The following POLR3B variants were observed in gnomAD, a reference collection of about 807,000 sequenced individuals.
POLR3B encodes RNA polymerase III subunit B.
A neutral mutation model predicts 147.4 loss-of-function variants in POLR3B; 96 were observed. The ratio of observed to expected loss-of-function variants is 0.65; its 90% CI spans 0.55 to 0.77. POLR3B has a LOEUF of 0.77. Ranked by LOEUF, POLR3B falls within the 30% of genes least tolerant of loss-of-function variation. The probability of loss-of-function intolerance (pLI) is 0.00; values close to 1 mark genes in which losing one functional copy is unlikely to be tolerated. For synonymous variants in POLR3B, 461 were observed against 485.9 expected, an observed-to-expected ratio of 0.95 and a Z score of 0.67; for missense variants, 1,036 against 1,413.5, an observed-to-expected ratio of 0.73 and a Z score of 4.28.
At chr12:106,418,857 G>C (rs1321318998) in intron 12 of POLR3B, among the ~76,000 whole-genome samples, 2 of 152,150 alleles carry the variant, frequency 1.3e-5, no homozygotes, top group African/African-American at 4.8e-5. Context: ...TTTAGGAGTA[G>C]GAAAATTTAA....
In POLR3B at chr12:106,366,691, A is replaced by T; in HGVS notation, c.196A>T (p.Thr66Ser). ...GATAATGAAAGCCAATGAAAAGGTT[A>T]CAAGTGACGCTGACCCTATGTGGTA... ...KKIMKANEKVTSDADPMWYLK... is the reference protein window; with the variant it reads ...KKIMKANEKVSSDADPMWYLK... The change falls in exon 4 of 28, where the codon ACA becomes TCA. Residue 66 changes from threonine to serine, a missense_variant. Around this residue, in one of 12 missense-constraint regions of POLR3B, gnomAD observed 150 missense variants for 145.5 expected, o/e 1.03. Transcript: ENST00000228347. 6.2e-7 allele frequency: 1 copy of T among 1,613,866 alleles called. No individual in the cohort carries two copies. Among genetic ancestry groups the T allele is most frequent in the Non-Finnish European group, 8.5e-7 (1 of 1,179,736 alleles).
rs756931770 is a variant in POLR3B, at chr12:106,501,336, G to A, written c.2998G>A (p.Ala1000Thr). 3 of 1,606,606 alleles carry A rather than the reference G, an allele frequency of 1.9e-6. No individual in the cohort carries two copies. The highest frequency in any genetic ancestry group is 2.6e-6 in the Non-Finnish European group (3 of 1,173,150). The change falls in exon 26 of 28, where the codon GCA becomes ACA. Residue 1000 changes from alanine (A) to threonine (T), a missense_variant. This residue lies in a region of POLR3B where 88 missense variants were observed against 87.5 expected (regional missense o/e 1.01). Coordinates refer to ENST00000228347, the MANE Select transcript of POLR3B (RefSeq NM_018082.6). ...TSGITGEPLEAYIYFGPVYYQ... is the reference protein window; with the variant it reads ...TSGITGEPLETYIYFGPVYYQ... ...TCTTTCTTTCAGTGAGCCCTTAGAA[G>A]CATACATCTATTTTGGCCCCGTGTA...
chr12:106,467,052 A>G (rs2038016101), intron 23 of POLR3B, among the ~76,000 whole-genome samples: 1 of 152,024 alleles, frequency 6.6e-6, no homozygotes, highest in Admixed American at 6.6e-5. Context: ...CAGTAAGACC[A>G]TTTTCCTGAT....
At chr12:106,506,192 C>T (rs1035706199) in intron 27 of POLR3B, among the ~76,000 whole-genome samples, 3 of 151,452 alleles carry the variant, frequency 2.0e-5, no homozygotes, top group Non-Finnish European at 4.4e-5. Context: ...GGCTGTGCAA[C>T]CAAAAAGAAA....
At chr12:106,427,119 C>A (rs895371303) in intron 12 of POLR3B, 78 bp from the exon 13 acceptor site, 1 of 980,130 alleles carries the variant, frequency 1.0e-6, no homozygotes, top group African/African-American at 1.7e-5. Flanking sequence ...TTTTAAAAAT[C>A]TTAAGACCTA....
intron 10 of POLR3B, among the ~76,000 whole-genome samples, chr12:106,395,055 C>T (rs1404397678): frequency 6.6e-6 from 1 of 152,086 alleles, no homozygotes; most frequent in Non-Finnish European, 1.5e-5. Flanking sequence ...CATGATAAGA[C>T]CCCATCTCTA....
At chr12:106,455,469 C>T (rs755621259) in intron 20 of POLR3B, among the ~76,000 whole-genome samples, 2 of 152,136 alleles carry the variant, frequency 1.3e-5, no homozygotes, top group South Asian at 2.1e-4. Context: ...TGACAACAGC[C>T]ATGCTTTAAA....
intron 16 of POLR3B, among the ~76,000 whole-genome samples, chr12:106,435,489 A>G (rs746613273): frequency 5.9e-5 from 9 of 151,646 alleles, no homozygotes; most frequent in Admixed American, 3.9e-4. Context: ...TTTTGCTTAA[A>G]TTAGCCAGAA....
chr12:106,450,048 G>C (rs2037776293), intron 19 of POLR3B, among the ~76,000 whole-genome samples: 1 of 152,130 alleles, frequency 6.6e-6, no homozygotes, highest in South Asian at 2.1e-4. Context: ...TAGACATATA[G>C]GTCAATGGAA....
At chr12:106,379,228 C>G (rs191540366) in intron 8 of POLR3B, among the ~76,000 whole-genome samples, 2 of 152,164 alleles carry the variant, frequency 1.3e-5, no homozygotes, top group Non-Finnish European at 2.9e-5. Context: ...GGTAGATAGC[C>G]TTTGAACCCA....
Position 106,504,278 on chromosome 12 carries a change from C to T in POLR3B, c.3272+24C>T. The T allele has an allele frequency of 1.3e-6, 2 of 1,581,776 alleles. No individual in the cohort carries two copies. The highest frequency in any genetic ancestry group is 2.2e-5 in the South Asian group (2 of 90,456). On this transcript the variant is annotated intron_variant, in intron 27 of 27. Coordinates refer to ENST00000228347, the MANE Select transcript of POLR3B (RefSeq NM_018082.6). This position sits in a 1 kb window ranked among gnomAD's most constrained non-coding sequence, Gnocchi z 4.6. ...TGGTAAGTGGATACCATATGTCTCCCATACCACACCCCTTGCCTCTTAAAT... is the reference window on the plus strand; with the variant it reads ...TGGTAAGTGGATACCATATGTCTCCTATACCACACCCCTTGCCTCTTAAAT...
chr12:106,378,672 A>G (rs904979338), intron 8 of POLR3B, among the ~76,000 whole-genome samples: 1 of 151,188 alleles, frequency 6.6e-6, no homozygotes, highest in African/African-American at 2.4e-5. Context: ...AAATAAAACC[A>G]CTCTTCAGTT....
Position 106,509,656 on chromosome 12 carries a change from TTCTC to T in POLR3B, c.*113_*116del. 3 of 1,060,144 alleles carry T rather than the reference TTCTC, an allele frequency of 2.8e-6. No homozygotes were observed. The highest frequency in any genetic ancestry group is 1.3e-5 in the South Asian group (1 of 75,410). The allele number at this position is 1,060,144 out of a possible 1,614,324, so 65.7% of individuals were successfully genotyped here. Reference sequence around the variant, plus strand: ...CTCCTGTGAAGAATTCCCTTGCGTATTCTCTCTCTAAAACAACCAAAAAAAAATG... The same window carrying T: ...CTCCTGTGAAGAATTCCCTTGCGTATTCTCTAAAACAACCAAAAAAAAATG... On this transcript the variant is annotated 3_prime_UTR_variant, in exon 28 of 28. Transcript: ENST00000228347.
At chr12:106,358,301 G>T in intron 1 of POLR3B, 1 of 1,209,760 alleles carries the variant, frequency 8.3e-7, no homozygotes, top group Non-Finnish European at 1.1e-6. Context: ...AGGACACGGG[G>T]CCAGGGAGCT....
chr12:106,393,074 G>T lies in POLR3B; in HGVS notation c.767G>T (p.Gly256Val). ...ESDQEIVQMIGTEEHVMAAFG... is the reference protein window; with the variant it reads ...ESDQEIVQMIVTEEHVMAAFG... The stretch of plus-strand genomic sequence containing the variant: ...GACCAGGAAATTGTGCAGATGATTG[G>T]AACAGAGGAGCACGTGATGGCTGCA... The change falls in exon 10 of 28, where the codon GGA becomes GTA. Residue 256 changes from glycine (G) to valine (V), a missense_variant. Around this residue, in one of 12 missense-constraint regions of POLR3B, gnomAD observed 217 missense variants for 288.7 expected, o/e 0.75. Coordinates refer to ENST00000228347, the MANE Select transcript of POLR3B (RefSeq NM_018082.6). 1.9e-6 allele frequency: 3 copies of T among 1,614,186 alleles called. No individual in the cohort carries two copies. The highest frequency in any genetic ancestry group is 2.5e-6 in the Non-Finnish European group (3 of 1,180,026).
At chr12:106,482,710 T>C (rs2038285866) in intron 23 of POLR3B, among the ~76,000 whole-genome samples, 1 of 152,146 alleles carries the variant, frequency 6.6e-6, no homozygotes, top group Admixed American at 6.5e-5. Flanking sequence ...ATATTTTAGG[T>C]TCGTTGAGAT....
At position 106,450,120 on chromosome 12, in the gene POLR3B, T is replaced by C. The variant is rs149804513; in HGVS notation, c.2084-4382T>C. ...ATGGGCAATTGATTTTCAATGAATG[T>C]GTCAAAGCAATCCAGTGGAGAGTAA... On this transcript the variant is annotated intron_variant, in intron 19 of 27. Coordinates refer to ENST00000228347, the MANE Select transcript of POLR3B (RefSeq NM_018082.6). Among the ~76,000 whole-genome samples the C allele has an allele frequency of 4.2e-3, 643 of 152,302 alleles. 7 individuals carry two copies. The highest frequency in any genetic ancestry group is 0.015 in the African/African-American group (605 of 41,562).
rs2038495561 is a variant in POLR3B, at chr12:106,496,847, T to C, written c.2913T>C (p.Asp971=). Residue 971 remains aspartate, a synonymous_variant, in exon 25 of 28, where the codon GAT becomes GAC. Coordinates refer to ENST00000228347, the MANE Select transcript of POLR3B (RefSeq NM_018082.6). ...CGTTTGGAGGCAGTAAAGTGAAGGA[T>C]GTGTGTGAGGACCTCGTTCGCCATG... The part of the protein sequence containing the change: ...GTAFGGSKVK[D]VCEDLVRHGY... The C allele has an allele frequency of 1.2e-6, 2 of 1,613,876 alleles. No individual in the cohort carries two copies. Among genetic ancestry groups the C allele is most frequent in the African/African-American group, 1.3e-5 (1 of 74,892 alleles).
intron 9 of POLR3B, 66 bp downstream of exon 9, chr12:106,380,205 T>C (rs1409679991): frequency 1.1e-6 from 1 of 906,422 alleles, no homozygotes; most frequent in Non-Finnish European, 1.8e-6. Context: ...CATATGTAAT[T>C]AGAGATTTGG....
Sources: allele counts gnomAD v4.1 joint callset (sites outside exome capture counted in the v4.1 genomes callset), GRCh38; gene constraint gnomAD v4.1.1; regional missense constraint gnomAD v4.1.1; non-coding constraint Gnocchi (gnomAD v3.1); transcripts MANE v1.5; gene names NCBI Gene and HGNC (gene_info 2026-07-23, HGNC 2026-07-21).